The following CDC42BPG variants were observed in gnomAD, a reference collection of about 807,000 sequenced individuals.
The protein encoded by CDC42BPG is CDC42 binding protein kinase gamma, also known as serine/threonine-protein kinase MRCK gamma.
A neutral mutation model predicts 192.2 loss-of-function variants in CDC42BPG; 157 were observed. The ratio of observed to expected loss-of-function variants is 0.82; its 90% CI spans 0.72 to 0.93. CDC42BPG has a LOEUF of 0.93. CDC42BPG is among the 40% of genes least tolerant of loss of function. The pLI is 0.00. For synonymous variants in CDC42BPG, 981 were observed against 918.5 expected (o/e 1.07, Z -1.23); for missense variants, 1,992 against 2,122.1 (o/e 0.94, Z 1.20).
At position 64,835,338 on chromosome 11, in the gene CDC42BPG, C is replaced by T. The variant is rs201148449; in HGVS notation, c.1953+9G>A. The T allele has an allele frequency of 4.7e-4, 765 of 1,614,034 alleles. 7 individuals carry two copies. In the South Asian group the frequency reaches 8.0e-3, roughly 17 times the overall value. Reference sequence around the variant, plus strand: ...CTGTTGTACCCTCCGTCTGTTGTACCCTGCTCACCCGCTCCTGCTCCCGGC... The same window carrying T: ...CTGTTGTACCCTCCGTCTGTTGTACTCTGCTCACCCGCTCCTGCTCCCGGC... On this transcript the variant is annotated intron_variant, in intron 16 of 36. Coordinates refer to ENST00000342711, the MANE Select transcript of CDC42BPG (RefSeq NM_017525.3).
rs767572782 is a variant in CDC42BPG at position 64,840,127 on chromosome 11, C to T, written c.574G>A (p.Val192Ile). Residue 192 changes from valine to isoleucine, a missense_variant, in exon 5 of 37, where the codon GTC (valine) becomes ATC (isoleucine). Coordinates refer to ENST00000342711, the MANE Select transcript of CDC42BPG (RefSeq NM_017525.3). ...AIHSLHQLGY[V>I]HRDVKPDNVL... is the part of the protein sequence containing the mutation. ...GCGGGGTTGGGGCCCCACCTGTGGA[C>T]ATAACCCAGCTGGTGCAGCGAGTGG... is the stretch of plus-strand genomic sequence containing the variant. 6 of 1,611,912 alleles carry T rather than the reference C, an allele frequency of 3.7e-6. No homozygotes were observed. Among genetic ancestry groups the T allele is most frequent in the East Asian group, 2.2e-5 (1 of 44,838 alleles).
Position 64,829,460 on chromosome 11 carries a change from G to A in CDC42BPG, c.3967+11C>T. On this transcript the variant is annotated intron_variant, in intron 30 of 36. Transcript: ENST00000342711. ...GCCTGGCCCCCCTGCCAAGCCCTCAGCAGGCCTTACCCCAGCCCATGGGCG... is the reference window on the plus strand; with the variant it reads ...GCCTGGCCCCCCTGCCAAGCCCTCAACAGGCCTTACCCCAGCCCATGGGCG... The A allele has an allele frequency of 6.2e-7, 1 of 1,610,592 alleles. No individual in the cohort carries two copies. The highest frequency in any genetic ancestry group is 8.5e-7 in the Non-Finnish European group (1 of 1,179,070).
chr11:64,835,779 C>A lies in CDC42BPG; in HGVS notation c.1741G>T (p.Glu581Ter), dbSNP rs747664197. 1.9e-6 allele frequency: 3 copies of A among 1,613,520 alleles called. No individual in the cohort carries two copies. The South Asian group carries it at 3.3e-5, about 18-fold the overall frequency. The change falls in exon 14 of 37, where the codon GAG becomes TAG. Residue 581 changes from glutamate (E) to a stop codon, truncating the protein, a stop_gained. Coordinates refer to ENST00000342711, the MANE Select transcript of CDC42BPG (RefSeq NM_017525.3). LOFTEE classifies it high-confidence loss of function. ...TTGACTACCTTGGCCTGGGACGACT[C>A]CTCAAGGCGTTGCTCCCACTGTCCC... The part of the protein sequence containing the change: ...LQGQWEQRLE[E>*]SSQAKTIHTA...
intron 1 of CDC42BPG, among the ~76,000 whole-genome samples, chr11:64,842,141 C>T (rs1264129424): frequency 6.6e-6 from 1 of 152,154 alleles, no homozygotes; most frequent in Non-Finnish European, 1.5e-5. Flanking sequence ...CCTCCCTGGA[C>T]CCCTGGCCCC....
Position 64,824,315 on chromosome 11 carries a change from C to G in CDC42BPG, c.*158G>C. ...GGCTGGGAGTCAGGACCCCCAAGTCCTGGGAACCCAGGCAAGTCTCCCAGT... is the reference window on the plus strand; with the variant it reads ...GGCTGGGAGTCAGGACCCCCAAGTCGTGGGAACCCAGGCAAGTCTCCCAGT... On this transcript the variant is annotated 3_prime_UTR_variant, in exon 37 of 37. Coordinates refer to ENST00000342711, the MANE Select transcript of CDC42BPG (RefSeq NM_017525.3). The G allele has an allele frequency of 1.4e-6, 1 of 718,566 alleles. No individual in the cohort carries two copies. The highest frequency in any genetic ancestry group is 2.6e-6 in the Non-Finnish European group (1 of 387,778). 44.5% of individuals were successfully genotyped at this position (718,566 alleles called of 1,614,324 possible).
chr11:64,823,902 T>C lies in CDC42BPG; in HGVS notation c.*571A>G, dbSNP rs1188615867. 1 of 160,066 alleles carries C rather than the reference T, an allele frequency of 6.2e-6. No homozygotes were observed. Among genetic ancestry groups the C allele is most frequent in the African/African-American group, 2.4e-5 (1 of 41,454 alleles). The allele number at this position is 160,066 out of a possible 1,614,324, so 9.9% of individuals were successfully genotyped here. On this transcript the variant is annotated 3_prime_UTR_variant, in exon 37 of 37. Transcript: ENST00000342711. The stretch of plus-strand genomic sequence containing the variant: ...CTTCCTCTGCACGGCTTCTACCTCC[T>C]TCCAATTCCTATCACCTCCTCCTCC...
intron 13 of CDC42BPG, 48 bp downstream of exon 13, chr11:64,836,069 A>C (rs754837423): frequency 1.6e-5 from 25 of 1,533,036 alleles, no homozygotes; most frequent in Non-Finnish European, 1.9e-5. Context: ...CTCCAGGCAC[A>C]CTGGGGGCAG....
chr11:64,840,443 A>G (rs1202428804), intron 4 of CDC42BPG, 110 bp downstream of exon 4: 1 of 1,374,862 alleles, frequency 7.3e-7, no homozygotes, highest in East Asian at 2.4e-5. Flanking sequence ...GGGAAGTGGG[A>G]GTCTCTTGGT....
chr11:64,844,590 T>G lies in CDC42BPG; in HGVS notation c.-21A>C. The G allele has an allele frequency of 2.4e-6, 3 of 1,256,868 alleles. No homozygotes were observed. The highest frequency in any genetic ancestry group is 3.0e-6 in the Non-Finnish European group (3 of 1,001,020). The allele number at this position is 1,256,868 out of a possible 1,614,324, so 77.9% of individuals were successfully genotyped here. A position where few individuals can be genotyped will look rare whatever the true frequency, so the allele number is the denominator to read the frequency against. On this transcript the variant is annotated 5_prime_UTR_variant, in exon 1 of 37. Transcript: ENST00000342711. ...TCCATGGCTGCGGCCGGAGCCTCGCTGCTCGGCTACAGTCTGGCCGCCCGC... is the reference window on the plus strand; with the variant it reads ...TCCATGGCTGCGGCCGGAGCCTCGCGGCTCGGCTACAGTCTGGCCGCCCGC...
rs375798710 is a variant in CDC42BPG at position 64,834,589 on chromosome 11, G to A, written c.2176-12C>T. 1.1e-4 allele frequency: 175 copies of A among 1,544,642 alleles called. No homozygotes were observed. In the African/African-American group the frequency reaches 1.9e-3, roughly 17 times the overall value. Reference sequence around the variant, plus strand: ...TTCCACTGGTGGTCCTGGTGGCCACGGAGCACCCGTATAAGATGCTTTCTA... The same window carrying A: ...TTCCACTGGTGGTCCTGGTGGCCACAGAGCACCCGTATAAGATGCTTTCTA... On this transcript the variant is annotated splice_polypyrimidine_tract_variant and intron_variant, in intron 18 of 36. Coordinates refer to ENST00000342711, the MANE Select transcript of CDC42BPG (RefSeq NM_017525.3).
Position 64,830,540 on chromosome 11 carries a change from C to T in CDC42BPG, c.3305-284G>A, listed in dbSNP as rs17146353. 1,921 of 531,174 alleles carry T rather than the reference C, an allele frequency of 3.6e-3. 26 individuals are homozygous for T. The highest frequency in any genetic ancestry group is 0.031 in the African/African-American group (1,620 of 52,524). The allele number at this position is 531,174 out of a possible 1,614,324, so 32.9% of individuals were successfully genotyped here. On this transcript the variant is annotated intron_variant, in intron 28 of 36. Transcript: ENST00000342711. ...ACTGGGGACAACGATGGTACTTCCTCACAGAGCAACTCTGAGGAAGCGAGG... is the reference window on the plus strand; with the variant it reads ...ACTGGGGACAACGATGGTACTTCCTTACAGAGCAACTCTGAGGAAGCGAGG...
chr11:64,831,687 G>A lies in CDC42BPG; in HGVS notation c.3122C>T (p.Thr1041Met), dbSNP rs764047340. Residue 1041 changes from threonine (T) to methionine (M), a missense_variant, in exon 28 of 37, where the codon ACG becomes ATG. Coordinates refer to ENST00000342711, the MANE Select transcript of CDC42BPG (RefSeq NM_017525.3). ...TTSQLAVPPTTCTVLLLAESE... is the reference protein window; with the variant it reads ...TTSQLAVPPTMCTVLLLAESE... ...CTCTGCCAGCAGCAGCACAGTGCAC[G>A]TGGTGGGCGGCACTGCCAGCTGGGA... 9.3e-6 allele frequency: 15 copies of A among 1,605,946 alleles called. No homozygotes were observed. Among genetic ancestry groups the A allele is most frequent in the East Asian group, 2.2e-5 (1 of 44,788 alleles).
Position 64,836,726 on chromosome 11 carries a change from G to GGGGGGGGGGGGGGC in CDC42BPG, c.1384+12_1384+13insGCCCCCCCCCCCCC. On this transcript the variant is annotated intron_variant, in intron 11 of 36. Coordinates refer to ENST00000342711, the MANE Select transcript of CDC42BPG (RefSeq NM_017525.3). ...AGCCCTGGGGGGGGGGGGGGGGTGG[G>GGGGGGGGGGGGGGC]CGGAAGGGATACCTGGCAGCCTGTC... The GGGGGGGGGGGGGGC allele has an allele frequency of 1.1e-6, 1 of 889,330 alleles. No individual in the cohort carries two copies. Among genetic ancestry groups the GGGGGGGGGGGGGGC allele is most frequent in the Non-Finnish European group, 1.6e-6 (1 of 622,138 alleles). 55.1% of individuals were successfully genotyped at this position (889,330 alleles called of 1,614,324 possible). A position where few individuals can be genotyped will look rare whatever the true frequency, so the allele number is the denominator to read the frequency against.
intron 11 of CDC42BPG, 30 bp from the exon 12 acceptor site, chr11:64,836,560 T>G (rs1035838826): frequency 6.3e-6 from 10 of 1,589,542 alleles, no homozygotes; most frequent in African/African-American, 1.3e-5. Context: ...AGACCTCGAG[T>G]GCTGGCGGCC....
chr11:64,825,777 C>A (rs540706201), intron 36 of CDC42BPG, among the ~76,000 whole-genome samples: 2 of 152,082 alleles, frequency 1.3e-5, no homozygotes, highest in South Asian at 4.1e-4. Flanking sequence ...TTAAGAATCC[C>A]AAGAGTGGCC....
At chr11:64,842,883 G>A (rs966074951) in intron 1 of CDC42BPG, among the ~76,000 whole-genome samples, 2 of 152,184 alleles carry the variant, frequency 1.3e-5, no homozygotes, top group African/African-American at 2.4e-5. Context: ...CAGCTGGGCG[G>A]GTCTGTGGGT....
rs751999835 is a variant in CDC42BPG at position 64,834,320 on chromosome 11, G to A, written c.2359C>T (p.Leu787=). The A allele has an allele frequency of 5.1e-5, 80 of 1,578,116 alleles. No homozygotes were observed. The highest frequency in any genetic ancestry group is 5.1e-5 in the Non-Finnish European group (59 of 1,166,322). The change falls in exon 20 of 37, where the codon CTG becomes TTG. Residue 787 remains leucine, a synonymous_variant. Transcript: ENST00000342711. ...LQEAEKQSQA[L]QQELAMLREE... is the part of the protein sequence containing the mutation. ...CGCAGCATGGCGAGCTCCTGTTGCA[G>A]GGCCTGGCTCTGCTTCTCGGCCTCC...
At position 64,836,283 on chromosome 11, in the gene CDC42BPG, C is replaced by T. The variant is rs1782021843; in HGVS notation, c.1502G>A (p.Gly501Asp). 1 of 1,605,280 alleles carries T rather than the reference C, an allele frequency of 6.2e-7. No individual in the cohort carries two copies. The highest frequency in any genetic ancestry group is 1.3e-5 in the African/African-American group (1 of 74,830). ...CTCCTGAGCCTGCAGCCCTGCCCGACCCTCGGCCAGCTCCTGAGGAGGCAG... is the reference window on the plus strand; with the variant it reads ...CTCCTGAGCCTGCAGCCCTGCCCGATCCTCGGCCAGCTCCTGAGGAGGCAG... ...LDRLHRELAE[G>D]RAGLQAQEQE... The change falls in exon 13 of 37, where the codon GGT (glycine) becomes GAT (aspartate). Residue 501 changes from glycine (G) to aspartate (D), a missense_variant. Transcript: ENST00000342711.
chr11:64,841,591 T>C, intron 3 of CDC42BPG, 59 bp downstream of exon 3: 1 of 1,168,306 alleles, frequency 8.6e-7, no homozygotes, highest in Non-Finnish European at 1.2e-6. Flanking sequence ...CCTGGCAGCA[T>C]ACACCTCCCC....
Sources: gnomAD v4.1 joint callset for allele counts (sites outside exome capture counted in the v4.1 genomes callset) on GRCh38, gnomAD v4.1.1 for gene constraint, MANE v1.5 for transcripts, NCBI Gene and HGNC (gene_info 2026-07-23, HGNC 2026-07-21) for gene names.